Variants in ARFIP1 observed in about 807,000 individuals in gnomAD.
ARFIP1 encodes arfaptin-1.
ARFIP1 carries 24 observed loss-of-function variants against 42.5 expected under a neutral mutation model. The ratio of observed to expected loss-of-function variants is 0.57; its 90% CI spans 0.41 to 0.80. ARFIP1 has a LOEUF of 0.80. ARFIP1 is among the 30% of genes least tolerant of loss of function. The pLI is 0.00. For synonymous variants in ARFIP1, 141 were observed against 153.7 expected, an observed-to-expected ratio of 0.92 and a Z score of 0.61; for missense variants, 354 against 434.0, an observed-to-expected ratio of 0.82 and a Z score of 1.64.
At chr4:152,891,792 TC>T (rs1736872092) in intron 8 of ARFIP1, among the ~76,000 whole-genome samples, 1 of 152,156 alleles carries the variant, frequency 6.6e-6, no homozygotes, top group Non-Finnish European at 1.5e-5. Flanking sequence ...TACTGCAACC[TC>T]CACCACCTGG....
In ARFIP1 at chr4:152,910,117, C is replaced by G. The variant is rs749929039; in HGVS notation, c.1020C>G (p.Tyr340Ter). The G allele has an allele frequency of 1.2e-6, 2 of 1,614,078 alleles. No homozygotes were observed. The highest frequency in any genetic ancestry group is 2.7e-5 in the African/African-American group (2 of 74,924). The change falls in exon 9 of 9, where the codon TAC (tyrosine) becomes TAG (stop). Residue 340 changes from tyrosine to a stop codon, truncating the protein, a stop_gained. Transcript: ENST00000353617. LOFTEE classifies it high-confidence loss of function. ...TTTTCCACAATGCCATTGCCGCTTA[C>G]TTTGCTGGGAATCAGAAGCAGCTTG... ...LVLFHNAIAA[Y>*]FAGNQKQLEQ...
At chr4:152,862,003 T>C (rs1733933398) in intron 2 of ARFIP1, among the ~76,000 whole-genome samples, 2 of 152,202 alleles carry the variant, frequency 1.3e-5, no homozygotes, top group Non-Finnish European at 2.9e-5. Context: ...CTTACATGTC[T>C]ACCAAATTAA....
At chr4:152,907,032 T>A (rs1579056624) in intron 8 of ARFIP1, among the ~76,000 whole-genome samples, 1 of 152,334 alleles carries the variant, frequency 6.6e-6, no homozygotes, top group Non-Finnish European at 1.5e-5. Flanking sequence ...CATTGCTGCT[T>A]TATTTTTCTC....
intron 1 of ARFIP1, among the ~76,000 whole-genome samples, chr4:152,825,897 T>G (rs998038429): frequency 6.6e-6 from 1 of 151,722 alleles, no homozygotes; most frequent in Non-Finnish European, 1.5e-5. Flanking sequence ...CCAACAAACA[T>G]GAAAAAATGT....
intron 1 of ARFIP1, among the ~76,000 whole-genome samples, chr4:152,786,668 T>C (rs760986650): frequency 6.6e-6 from 1 of 152,198 alleles, no homozygotes; most frequent in Non-Finnish European, 1.5e-5. Context: ...CTCTCCTTCT[T>C]CCTCCCCCAG....
At chr4:152,811,439 G>C (rs1208828629) in intron 1 of ARFIP1, among the ~76,000 whole-genome samples, 1 of 152,114 alleles carries the variant, frequency 6.6e-6, no homozygotes, top group Admixed American at 6.5e-5. Flanking sequence ...CATTTGAGCT[G>C]AGCCTTAAGT....
chr4:152,809,599 A>G (rs1729288353), intron 1 of ARFIP1: 1 of 152,222 alleles, frequency 6.6e-6, no homozygotes, highest in Admixed American at 6.5e-5. Context: ...CCCTTTAGGA[A>G]TGAAGCACCA....
At chr4:152,840,473 G>T (rs1236627509) in intron 2 of ARFIP1, among the ~76,000 whole-genome samples, 2 of 152,194 alleles carry the variant, frequency 1.3e-5, no homozygotes, top group Admixed American at 6.5e-5. Context: ...ATATTTTCCT[G>T]CTAGACAAGG....
chr4:152,839,003 T>C lies in ARFIP1; in HGVS notation c.93+9277T>C, dbSNP rs578094104. 2.0e-5 allele frequency among the ~76,000 whole-genome samples: 3 copies of C among 152,334 alleles called. No homozygotes were observed. The East Asian group carries it at 5.8e-4, about 29-fold the overall frequency. ...TTTTAATCATAAAGTGATGCTGGAT[T>C]TTGTCAAATGCTTTTTCGGCATCTA... On this transcript the variant is annotated intron_variant, in intron 2 of 8. Transcript: ENST00000353617.
intron 1 of ARFIP1, among the ~76,000 whole-genome samples, chr4:152,787,423 A>T (rs993373416): frequency 6.6e-6 from 1 of 152,240 alleles, no homozygotes; most frequent in African/African-American, 2.4e-5. Flanking sequence ...AGTTTCTCCA[A>T]GAGAAAAAAG....
intron 1 of ARFIP1, among the ~76,000 whole-genome samples, chr4:152,790,907 AT>A (rs111844791): frequency 7.7e-4 from 104 of 135,500 alleles, no homozygotes; most frequent in Middle Eastern, 3.7e-3. Context: ...TCATTTTTGT[AT>A]TTTTTTTTTT....
intron 2 of ARFIP1, among the ~76,000 whole-genome samples, chr4:152,857,158 G>A (rs181904361): frequency 2.6e-4 from 40 of 152,308 alleles, no homozygotes; most frequent in Admixed American, 7.8e-4. Context: ...GTTGAAGGGC[G>A]TTGTCCTGTG....
At chr4:152,782,814 T>TA (rs1171610811) in intron 1 of ARFIP1, among the ~76,000 whole-genome samples, 1 of 152,234 alleles carries the variant, frequency 6.6e-6, no homozygotes, top group Non-Finnish European at 1.5e-5. Context: ...TATTTGAACT[T>TA]ACTGATTTGG....
chr4:152,784,389 CCT>C (rs1248945947), intron 1 of ARFIP1, among the ~76,000 whole-genome samples: 1 of 152,160 alleles, frequency 6.6e-6, no homozygotes, highest in African/African-American at 2.4e-5. Context: ...TTCCTATTCT[CCT>C]CTTTCTCCCA....
At chr4:152,898,903 GAA>G (rs1368535911) in intron 8 of ARFIP1, among the ~76,000 whole-genome samples, 4 of 152,184 alleles carry the variant, frequency 2.6e-5, no homozygotes, top group Admixed American at 1.3e-4. Context: ...TTTTTGAAAA[GAA>G]GAGTAATTGT....
intron 1 of ARFIP1, among the ~76,000 whole-genome samples, chr4:152,825,200 AAAAT>A (rs1168782444): frequency 1.3e-5 from 2 of 152,190 alleles, no homozygotes; most frequent in African/African-American, 4.8e-5. Flanking sequence ...ATTAGAAAAA[AAAAT>A]CCTAAAATTC....
chr4:152,802,394 A>G (rs1242443473), intron 1 of ARFIP1, among the ~76,000 whole-genome samples: 4 of 152,158 alleles, frequency 2.6e-5, no homozygotes, highest in Non-Finnish European at 5.9e-5. Flanking sequence ...TAAGAATTTG[A>G]TCCTTTAAAT....
chr4:152,848,611 T>A (rs551292608), intron 2 of ARFIP1, among the ~76,000 whole-genome samples: 1 of 151,970 alleles, frequency 6.6e-6, no homozygotes, highest in East Asian at 1.9e-4. Context: ...TACAAGAAAT[T>A]GTTGGAACAC....
intron 8 of ARFIP1, among the ~76,000 whole-genome samples, chr4:152,905,710 G>C (rs960313532): frequency 6.6e-6 from 1 of 151,414 alleles, no homozygotes; most frequent in South Asian, 2.1e-4. Flanking sequence ...CTGCTACCAT[G>C]CCTGGCTAAT....
Sources: allele counts gnomAD v4.1 joint callset (sites outside exome capture counted in the v4.1 genomes callset), GRCh38; gene constraint gnomAD v4.1.1; transcripts MANE v1.5; gene names NCBI Gene and HGNC (gene_info 2026-07-23, HGNC 2026-07-21).